PID1: variants seen among roughly 807,000 people sequenced by gnomAD.
PID1 encodes the protein phosphotyrosine interaction domain containing 1.
Under a neutral mutation model 19.1 loss-of-function variants are expected in PID1, and 10 were observed. That is an observed-to-expected ratio of 0.52 (90% CI 0.32 to 0.89). The LOEUF (loss-of-function observed/expected upper bound fraction) is 0.89. PID1 is among the 40% of genes least tolerant of loss of function. The pLI, the probability that PID1 is intolerant of heterozygous loss-of-function variation, is 0.03. For missense variants in PID1, 248 were observed against 285.3 expected, an observed-to-expected ratio of 0.87 and a Z score of 0.94; for synonymous variants, 130 against 116.0, an observed-to-expected ratio of 1.12 and a Z score of -0.78.
At chr2:229,040,285 A>T (rs907392192) in intron 2 of PID1, among the ~76,000 whole-genome samples, 2 of 151,898 alleles carry the variant, frequency 1.3e-5, no homozygotes, top group Non-Finnish European at 2.9e-5. Flanking sequence ...GCGGCACTGC[A>T]CCCCAGCCTG....
chr2:229,183,473 T>A (rs1690990392), intron 1 of PID1, among the ~76,000 whole-genome samples: 1 of 152,200 alleles, frequency 6.6e-6, no homozygotes, highest in South Asian at 2.1e-4. Flanking sequence ...AGACTCACAT[T>A]TGAATTGGTA....
chr2:229,260,468 ATATATATATATGTATATATG>A (rs1690429319), intron 1 of PID1, among the ~76,000 whole-genome samples: 1 of 150,280 alleles, frequency 6.7e-6, no homozygotes, highest in South Asian at 2.1e-4. Flanking sequence ...AGTTGCATAT[ATATATATATATGTATATATG>A]TATATATATG....
intron 1 of PID1, chr2:229,244,910 G>A (rs985633796): frequency 2.0e-5 from 3 of 152,066 alleles, no homozygotes; most frequent in Admixed American, 1.3e-4. Context: ...AGCCACTTCA[G>A]TGCTCAGAGA....
intron 1 of PID1, among the ~76,000 whole-genome samples, chr2:229,264,929 C>T (rs550266984): frequency 2.0e-5 from 3 of 152,244 alleles, no homozygotes; most frequent in African/African-American, 7.2e-5. Context: ...CTCAACACTC[C>T]ATTCCTACAG....
At chr2:229,205,224 C>T (rs1000366466) in intron 1 of PID1, among the ~76,000 whole-genome samples, 1 of 151,432 alleles carries the variant, frequency 6.6e-6, no homozygotes, top group African/African-American at 2.4e-5. Context: ...TACACACACA[C>T]AATCACACAT....
chr2:229,178,188 A>C (rs1043725777), intron 1 of PID1, among the ~76,000 whole-genome samples: 1 of 152,356 alleles, frequency 6.6e-6, no homozygotes, highest in African/African-American at 2.4e-5. Context: ...GAAAAGAAAT[A>C]GAAGCTTTCA....
chr2:229,250,121 C>G (rs1439366265), intron 1 of PID1, among the ~76,000 whole-genome samples: 4 of 152,112 alleles, frequency 2.6e-5, no homozygotes, highest in East Asian at 1.9e-4. Flanking sequence ...GCTTTGTTCC[C>G]TACAATCTGC....
At chr2:229,135,659 T>A (rs991018512) in intron 2 of PID1, among the ~76,000 whole-genome samples, 2 of 152,122 alleles carry the variant, frequency 1.3e-5, no homozygotes, top group Admixed American at 1.3e-4. Context: ...GTTCAGTACA[T>A]CCAGTTATCC....
chr2:229,168,737 T>TGC (rs35083173), intron 1 of PID1, among the ~76,000 whole-genome samples: 3 of 150,888 alleles, frequency 2.0e-5, no homozygotes, highest in Non-Finnish European at 4.4e-5. Context: ...TCTGTGTGTG[T>TGC]GCGTCTCATA....
intron 1 of PID1, among the ~76,000 whole-genome samples, chr2:229,163,674 T>TGTGTGTGTGCGC (rs374622113): frequency 0.022 from 2,100 of 94,398 alleles, 47 homozygotes; most frequent in African/African-American, 0.051. Flanking sequence ...TGTGTGTGTG[T>TGTGTGTGTGCGC]GCGTGTGCGT....
At chr2:229,170,411 T>C (rs373495047) in intron 1 of PID1, among the ~76,000 whole-genome samples, 1 of 152,208 alleles carries the variant, frequency 6.6e-6, no homozygotes, top group East Asian at 1.9e-4. Context: ...CCCCCCACAA[T>C]GTACATTAAG....
intron 2 of PID1, among the ~76,000 whole-genome samples, chr2:229,049,511 G>C (rs1693947680): frequency 6.6e-6 from 1 of 152,108 alleles, no homozygotes; most frequent in African/African-American, 2.4e-5. Flanking sequence ...GGCAATTCTA[G>C]AACATTAGAA....
At chr2:229,169,473 C>T (rs1690666653) in intron 1 of PID1, among the ~76,000 whole-genome samples, 1 of 152,120 alleles carries the variant, frequency 6.6e-6, no homozygotes, top group Non-Finnish European at 1.5e-5. Flanking sequence ...CTCTAGCTTC[C>T]TACATCCTAG....
At chr2:229,240,309 T>C (rs1299754308) in intron 1 of PID1, among the ~76,000 whole-genome samples, 3 of 151,830 alleles carry the variant, frequency 2.0e-5, no homozygotes, top group Admixed American at 6.6e-5. Context: ...GGATTTATGG[T>C]CAAAAAAAAA....
chr2:229,059,787 A>G (rs1338599301), intron 2 of PID1, among the ~76,000 whole-genome samples: 1 of 152,124 alleles, frequency 6.6e-6, no homozygotes, highest in African/African-American at 2.4e-5. Flanking sequence ...CATCCCCCAA[A>G]AGTGAACATT....
At chr2:229,207,481 C>T (rs1691632868) in intron 1 of PID1, among the ~76,000 whole-genome samples, 1 of 149,570 alleles carries the variant, frequency 6.7e-6, no homozygotes, top group African/African-American at 2.5e-5. Flanking sequence ...TCTTTGTTAT[C>T]CAACATTAGT....
Position 229,139,155 on chromosome 2 carries a change from G to GAAAGAAAGAAAGAAAGAAAGAAAGAA in PID1, c.177+16662_177+16663insTTCTTTCTTTCTTTCTTTCTTTCTTT, listed in dbSNP as rs1559252010. ...AAAGAAAGAAAGAAAGAAAGCAAGCGAGCGAGCAAGCGAGCTTCCCTTGAC... is the reference window on the plus strand; with the variant it reads ...AAAGAAAGAAAGAAAGAAAGCAAGCGAAAGAAAGAAAGAAAGAAAGAAAGAAAGCGAGCAAGCGAGCTTCCCTTGAC... On this transcript the variant is annotated intron_variant, in intron 2 of 2. Transcript: ENST00000392055. Among the ~76,000 whole-genome samples the GAAAGAAAGAAAGAAAGAAAGAAAGAA allele has an allele frequency of 1.8e-5, 2 of 112,744 alleles. 1 individual carries two copies. Among genetic ancestry groups the GAAAGAAAGAAAGAAAGAAAGAAAGAA allele is most frequent in the Non-Finnish European group, 3.7e-5 (2 of 53,870 alleles). 74.0% of individuals were successfully genotyped at this position (112,744 alleles called of 152,430 possible).
chr2:229,224,439 T>G (rs2106261248), intron 1 of PID1, among the ~76,000 whole-genome samples: 1 of 152,244 alleles, frequency 6.6e-6, no homozygotes, highest in South Asian at 2.1e-4. Flanking sequence ...ATCTTTTGGG[T>G]GTCTCTCCAT....
intron 2 of PID1, among the ~76,000 whole-genome samples, chr2:229,094,200 C>CA (rs1694930367): frequency 6.6e-6 from 1 of 151,292 alleles, no homozygotes. Context: ...AAATAGGACG[C>CA]AAAAAAATAA....
Sources: allele counts gnomAD v4.1 joint callset (sites outside exome capture counted in the v4.1 genomes callset), GRCh38; gene constraint gnomAD v4.1.1; transcripts MANE v1.5; gene names NCBI Gene and HGNC (gene_info 2026-07-23, HGNC 2026-07-21).